The following TP53BP1 variants were observed in gnomAD, a reference collection of about 807,000 sequenced individuals.
TP53BP1 encodes the protein tumor protein p53 binding protein 1, also known as TP53-binding protein 1.
In TP53BP1, 61 loss-of-function variants were observed where a neutral mutation model predicts 200.8. The observed-to-expected ratio is 0.30, with a 90% CI of 0.25 to 0.38. TP53BP1 has a LOEUF of 0.38. Ranked by LOEUF, TP53BP1 falls within the 10% of genes least tolerant of loss-of-function variation. The probability of loss-of-function intolerance (pLI) is 1.00; values close to 1 mark genes in which losing one functional copy is unlikely to be tolerated. For synonymous variants in TP53BP1, 822 were observed against 844.3 expected (o/e 0.97, Z 0.46); for missense variants, 2,144 against 2,371.9 (o/e 0.90, Z 2.00).
At chr15:43,491,307 C>T (rs1263875142) in intron 4 of TP53BP1, among the ~76,000 whole-genome samples, 1 of 152,128 alleles carries the variant, frequency 6.6e-6, no homozygotes, top group Non-Finnish European at 1.5e-5. Context: ...TCTCAAACTC[C>T]TGACCTCAAG....
intron 11 of TP53BP1, among the ~76,000 whole-genome samples, chr15:43,462,354 G>A (rs1234587653): frequency 1.3e-5 from 2 of 151,368 alleles, no homozygotes; most frequent in African/African-American, 2.4e-5. Context: ...AGGCCAGAGG[G>A]CAGTGGCACA....
chr15:43,447,520 G>GA, intron 12 of TP53BP1, 35 bp from the exon 13 acceptor site: 3 of 1,385,844 alleles, frequency 2.2e-6, no homozygotes, highest in African/African-American at 1.6e-5. Flanking sequence ...AAGAAAGAAA[G>GA]AAAAAATGAT....
At chr15:43,466,323 A>G (rs1169893176) in intron 11 of TP53BP1, among the ~76,000 whole-genome samples, 1 of 152,226 alleles carries the variant, frequency 6.6e-6, no homozygotes, top group Non-Finnish European at 1.5e-5. Context: ...GCTCCTCAAC[A>G]TCCTGAAAGG....
chr15:43,444,165 A>G (rs1207751151), intron 14 of TP53BP1, among the ~76,000 whole-genome samples: 34 of 152,370 alleles, frequency 2.2e-4, no homozygotes, highest in Admixed American at 2.2e-3. Context: ...GAAAGGTAGT[A>G]AAATTTACTG....
At position 43,453,338 on chromosome 15, in the gene TP53BP1, T is replaced by C. The variant is rs2046216744; in HGVS notation, c.2716+2554A>G. ...AATACTCTACTACAGAATTTTAGGT[T>C]ATTCACATTGTTCTTCACTACAGCT... On this transcript the variant is annotated intron_variant, in intron 12 of 27. Coordinates refer to ENST00000382044, the MANE Select transcript of TP53BP1 (RefSeq NM_001141980.3). Among the ~76,000 whole-genome samples the C allele has an allele frequency of 2.0e-5, 3 of 152,238 alleles. No individual in the cohort carries two copies. In the South Asian group the frequency reaches 6.2e-4, roughly 32 times the overall value.
intron 14 of TP53BP1, among the ~76,000 whole-genome samples, chr15:43,441,982 A>C (rs1194934774): frequency 2.6e-5 from 4 of 152,092 alleles, no homozygotes; most frequent in Admixed American, 2.0e-4. Flanking sequence ...AAACTCCTGA[A>C]ATCAAGTGAT....
At chr15:43,489,441 TAC>T (rs1409609673) in intron 4 of TP53BP1, among the ~76,000 whole-genome samples, 1 of 152,092 alleles carries the variant, frequency 6.6e-6, no homozygotes, top group Non-Finnish European at 1.5e-5. Context: ...CTTAAAGAGG[TAC>T]CATAAACTTA....
chr15:43,436,023 G>A (rs1335750986), intron 16 of TP53BP1, among the ~76,000 whole-genome samples: 1 of 151,316 alleles, frequency 6.6e-6, no homozygotes, highest in Non-Finnish European at 1.5e-5. Flanking sequence ...ACAGAGTCTG[G>A]CTTTGTCGCC....
At position 43,421,934 on chromosome 15, in the gene TP53BP1, G is replaced by C. The variant is rs202077092; in HGVS notation, c.4021C>G (p.Pro1341Ala). ...GTCCCGCTGGTTTTCCCTCTGAGTGGTCCGGCTCCTTTCCCTGAGCTTCCA... is the reference window on the plus strand; with the variant it reads ...GTCCCGCTGGTTTTCCCTCTGAGTGCTCCGGCTCCTTTCCCTGAGCTTCCA... The part of the protein sequence containing the change: ...SSGSSGKGAG[P>A]LRGKTSGTEP... Residue 1341 changes from proline to alanine, a missense_variant, in exon 19 of 28, where the codon CCA (proline) becomes GCA (alanine). Physicochemically the swap from Pro to Ala is conservative, Grantham distance 27. Transcript: ENST00000382044. 6.2e-7 allele frequency: 1 copy of C among 1,614,174 alleles called. No homozygotes were observed. Among genetic ancestry groups the C allele is most frequent in the Non-Finnish European group, 8.5e-7 (1 of 1,180,028 alleles).
rs183856032 is a variant in TP53BP1, at chr15:43,456,449, G to C, written c.2159C>G (p.Ala720Gly). Residue 720 changes from alanine (A) to glycine (G), a missense_variant, in exon 12 of 28, where the codon GCT (alanine) becomes GGT (glycine). Physicochemically the swap from Ala to Gly is moderately conservative, Grantham distance 60. Transcript: ENST00000382044. ...AATCACACTGGTTTCAACTTCCATA[G>C]CTTCTGAGCATTCTTTTTTTGGCAT... ...KEMPKKECSEAMEVETSVISI... is the reference protein window; with the variant it reads ...KEMPKKECSEGMEVETSVISI... 1 of 1,569,298 alleles carries C rather than the reference G, an allele frequency of 6.4e-7. No homozygotes were observed. Among genetic ancestry groups the C allele is most frequent in the Non-Finnish European group, 8.6e-7 (1 of 1,163,168 alleles).
Position 43,407,535 on chromosome 15 carries a change from C to A in TP53BP1, c.5782G>T (p.Asp1928Tyr). 1 of 1,614,090 alleles carries A rather than the reference C, an allele frequency of 6.2e-7. No individual in the cohort carries two copies. Among genetic ancestry groups the A allele is most frequent in the Non-Finnish European group, 8.5e-7 (1 of 1,179,976 alleles). ...ALGVFDVVVT[D>Y]PSCPASVLKC... ...AGCACCGAGGCTGGGCATGAGGGGT[C>A]CGTCACCACCACATCAAATACCCCT... The change falls in exon 28 of 28, where the codon GAC becomes TAC. Residue 1928 changes from aspartate (D) to tyrosine (Y), a missense_variant. By Grantham distance (160) the Asp-to-Tyr change is radical. Transcript: ENST00000382044.
At chr15:43,479,288 A>C (rs1034841254) in intron 7 of TP53BP1, 109 bp downstream of exon 7, 4 of 1,244,232 alleles carry the variant, frequency 3.2e-6, no homozygotes, top group Admixed American at 2.5e-5. Context: ...GTACAAGGGG[A>C]AAATAATTTA....
chr15:43,409,900 T>A (rs1368853145), intron 24 of TP53BP1, 159 bp from the exon 25 acceptor site: 2 of 404,504 alleles, frequency 4.9e-6, no homozygotes, highest in Non-Finnish European at 8.8e-6. Flanking sequence ...CAGAAAGAGA[T>A]CTTGAGGCCT....
chr15:43,500,724 G>A (rs1009212106), intron 1 of TP53BP1, among the ~76,000 whole-genome samples: 4 of 152,146 alleles, frequency 2.6e-5, no homozygotes, highest in African/African-American at 9.7e-5. Context: ...GGGAGGCTGA[G>A]GCAGGAGAAT....
chr15:43,403,623 CTT>C lies in TP53BP1; in HGVS notation c.*3758_*3759del. The C allele has an allele frequency of 7.9e-7, 1 of 1,268,904 alleles. No homozygotes were observed. The highest frequency in any genetic ancestry group is 2.3e-5 in the East Asian group (1 of 43,072). 78.6% of individuals were successfully genotyped at this position (1,268,904 alleles called of 1,614,324 possible). On this transcript the variant is annotated 3_prime_UTR_variant, in exon 28 of 28. Transcript: ENST00000382044. ...TATTAATCAGACTGTTCTCCTAACA[CTT>C]TAACTTCATGGATGTACCTTCCTTC...
chr15:43,474,230 C>T (rs2046797868), intron 10 of TP53BP1, among the ~76,000 whole-genome samples: 2 of 152,186 alleles, frequency 1.3e-5, no homozygotes, highest in South Asian at 2.1e-4. Flanking sequence ...GCAAGCGCCG[C>T]GCACAGCCCC....
intron 22 of TP53BP1, 110 bp downstream of exon 22, chr15:43,416,115 A>C (rs1698125246): frequency 2.9e-6 from 3 of 1,035,856 alleles, no homozygotes; most frequent in Non-Finnish European, 4.2e-6. Flanking sequence ...GAGAAGCCAC[A>C]CATAGGAATA....
chr15:43,502,191 C>T (rs1428797107), intron 1 of TP53BP1, among the ~76,000 whole-genome samples: 2 of 151,952 alleles, frequency 1.3e-5, no homozygotes, highest in Non-Finnish European at 1.5e-5. Context: ...AGCATGGTGG[C>T]ACCAGCCTGT....
intron 4 of TP53BP1, among the ~76,000 whole-genome samples, chr15:43,489,314 T>C (rs1428121839): frequency 1.3e-5 from 2 of 152,234 alleles, no homozygotes; most frequent in East Asian, 3.8e-4. Context: ...AGAAGTAGCA[T>C]GAAACTTCTC....
Sources: allele counts gnomAD v4.1 joint callset (sites outside exome capture counted in the v4.1 genomes callset), GRCh38; gene constraint gnomAD v4.1.1; transcripts MANE v1.5; gene names NCBI Gene and HGNC (gene_info 2026-07-23, HGNC 2026-07-21).